MYOZ3: variants seen among roughly 807,000 people sequenced by gnomAD.
MYOZ3 encodes the protein myozenin 3.
A neutral mutation model predicts 26.5 loss-of-function variants in MYOZ3; 19 were observed. The ratio of observed to expected loss-of-function variants is 0.72; its 90% confidence interval spans 0.50 to 1.05. The LOEUF is 1.05. Among genes scored for constraint, MYOZ3 ranks in the 50% least tolerant of loss-of-function variants. The pLI is 0.00. For missense variants in MYOZ3, 322 were observed against 337.1 expected (o/e 0.96, Z 0.35); for synonymous variants, 135 against 138.8 (o/e 0.97, Z 0.19).
At chr5:150,673,687 G>A (rs1758960906) in intron 6 of MYOZ3, among the ~76,000 whole-genome samples, 1 of 152,170 alleles carries the variant, frequency 6.6e-6, no homozygotes, top group Admixed American at 6.5e-5. Context: ...ACAGGGGAGA[G>A]CTTGAAAGGG....
intron 1 of MYOZ3, among the ~76,000 whole-genome samples, chr5:150,662,075 G>A (rs1306361888): frequency 1.3e-5 from 2 of 152,172 alleles, no homozygotes; most frequent in Non-Finnish European, 2.9e-5. Flanking sequence ...GCCCCTTGTC[G>A]GTGTTGGGGA....
chr5:150,671,839 G>A lies in MYOZ3; in HGVS notation c.355G>A (p.Gly119Ser). Residue 119 changes from glycine (G) to serine (S), a missense_variant, in exon 5 of 7, where the codon GGT (glycine) becomes AGT (serine). Physicochemically the swap from Gly to Ser is moderately conservative, Grantham distance 56 (BLOSUM62 0). Transcript: ENST00000517768. ...GGCCTCACCCGGGGCCTCACTCGGG[G>A]GTCCCGAGGGCGCCCACCCTGCAGC... ...FPASPGASLG[G>S]PEGAHPAAAP... 1 of 1,608,638 alleles carries A rather than the reference G, an allele frequency of 6.2e-7. No individual in the cohort carries two copies. Among genetic ancestry groups the A allele is most frequent in the Non-Finnish European group, 8.5e-7 (1 of 1,178,764 alleles).
chr5:150,673,282 T>A (rs866131007), intron 6 of MYOZ3: 1 of 152,148 alleles, frequency 6.6e-6, no homozygotes, highest in Non-Finnish European at 1.5e-5. Context: ...CGAGAAGCCA[T>A]AGGTAAAGTT....
chr5:150,671,883 C>G lies in MYOZ3; in HGVS notation c.399C>G (p.Val133=). The G allele has an allele frequency of 1.3e-6, 2 of 1,569,320 alleles. No individual in the cohort carries two copies. The highest frequency in any genetic ancestry group is 2.3e-5 in the South Asian group (2 of 87,048). ...AHPAAAPAGC[V]PSPSALAPGY... The stretch of plus-strand genomic sequence containing the variant: ...CTGCAGCCGCCCCTGCTGGGTGCGT[C>G]CCCAGCCCCAGCGCCCTGGCGCCAG... Residue 133 remains valine, a synonymous_variant, in exon 5 of 7, where the codon GTC becomes GTG. Coordinates refer to ENST00000517768, the MANE Select transcript of MYOZ3 (RefSeq NM_001122853.3).
chr5:150,670,766 A>C, intron 3 of MYOZ3, 128 bp downstream of exon 3: 1 of 833,912 alleles, frequency 1.2e-6, no homozygotes, highest in Non-Finnish European at 1.8e-6. Flanking sequence ...CCTGCCTTTC[A>C]GTGTGATCCT....
At chr5:150,670,398 C>T (rs972496100) in intron 2 of MYOZ3, 86 bp from the exon 3 acceptor site, 56 of 1,388,348 alleles carry the variant, frequency 4.0e-5, no homozygotes, top group Admixed American at 5.1e-5. Context: ...GGCATTCTTA[C>T]ACACAGCATG....
chr5:150,668,661 A>C (rs1758845130), intron 2 of MYOZ3, among the ~76,000 whole-genome samples: 1 of 152,250 alleles, frequency 6.6e-6, no homozygotes, highest in African/African-American at 2.4e-5. Flanking sequence ...TGCTGCCCAC[A>C]CAGGGCTCTC....
rs1218666543 is a variant in MYOZ3 at position 150,677,057 on chromosome 5, G to A, written c.*182G>A. The A allele has an allele frequency of 3.3e-6, 2 of 598,452 alleles. No individual in the cohort carries two copies. Among genetic ancestry groups the A allele is most frequent in the Non-Finnish European group, 5.8e-6 (2 of 343,754 alleles). 37.1% of individuals were successfully genotyped at this position (598,452 alleles called of 1,614,324 possible). A position where few individuals can be genotyped will look rare whatever the true frequency, so the allele number is the denominator to read the frequency against. On this transcript the variant is annotated 3_prime_UTR_variant, in exon 7 of 7. Transcript: ENST00000517768. ...TGGGTGTGTTTCAAAATTACCTGGG[G>A]ATGTTGTTCCAAATCCAGACAACTG...
At chr5:150,671,557 C>T (rs1269941117) in intron 3 of MYOZ3, 40 bp from the exon 4 acceptor site, 1 of 1,612,734 alleles carries the variant, frequency 6.2e-7, no homozygotes, top group South Asian at 1.1e-5. Flanking sequence ...CCCTGCCCCG[C>T]TGAGCTTCTC....
At chr5:150,669,759 C>A (rs899348140) in intron 2 of MYOZ3, among the ~76,000 whole-genome samples, 8 of 149,730 alleles carry the variant, frequency 5.3e-5, no homozygotes, top group Non-Finnish European at 1.2e-4. Flanking sequence ...GATTCTCCTG[C>A]CTCAGCCTCC....
At chr5:150,661,722 G>T (rs961927485) in intron 1 of MYOZ3, among the ~76,000 whole-genome samples, 9 of 152,202 alleles carry the variant, frequency 5.9e-5, no homozygotes, top group Non-Finnish European at 1.0e-4. Flanking sequence ...TAAAATGAGA[G>T]ACCCTTCCCA....
intron 1 of MYOZ3, 115 bp from the exon 2 acceptor site, chr5:150,662,826 T>A (rs1758754865): frequency 2.3e-6 from 2 of 859,288 alleles, no homozygotes; most frequent in East Asian, 5.2e-5. Flanking sequence ...TTGCTTGTGA[T>A]TTGGGGCTGG....
At chr5:150,667,847 T>G (rs1758833219) in intron 2 of MYOZ3, among the ~76,000 whole-genome samples, 1 of 152,210 alleles carries the variant, frequency 6.6e-6, no homozygotes, top group African/African-American at 2.4e-5. Flanking sequence ...CCAAAAAGCA[T>G]GTCATTTCAC....
Position 150,677,048 on chromosome 5 carries a change from T to C in MYOZ3, c.*173T>C. 1.6e-6 allele frequency: 1 copy of C among 612,862 alleles called. No homozygotes were observed. Among genetic ancestry groups the C allele is most frequent in the East Asian group, 2.8e-5 (1 of 35,624 alleles). 38.0% of individuals were successfully genotyped at this position (612,862 alleles called of 1,614,324 possible). Reference sequence around the variant, plus strand: ...CCCAAAACATGGGTGTGTTTCAAAATTACCTGGGGATGTTGTTCCAAATCC... The same window carrying C: ...CCCAAAACATGGGTGTGTTTCAAAACTACCTGGGGATGTTGTTCCAAATCC... On this transcript the variant is annotated 3_prime_UTR_variant, in exon 7 of 7. Transcript: ENST00000517768.
At chr5:150,662,007 A>G (rs1758741727) in intron 1 of MYOZ3, among the ~76,000 whole-genome samples, 1 of 152,196 alleles carries the variant, frequency 6.6e-6, no homozygotes, top group African/African-American at 2.4e-5. Flanking sequence ...GTTACAGAGA[A>G]AGCCAGGGAC....
Position 150,662,934 on chromosome 5 carries a change from T to C in MYOZ3, c.-1-7T>C. 1 of 1,609,984 alleles carries C rather than the reference T, an allele frequency of 6.2e-7. No individual in the cohort carries two copies. Among genetic ancestry groups the C allele is most frequent in the East Asian group, 2.2e-5 (1 of 44,662 alleles). ...CTGGTCCATTTATGGGGGTCTCTCC[T>C]CCACAGGATGATCCCCAAGGAGCAG... On this transcript the variant is annotated splice_region_variant and splice_polypyrimidine_tract_variant and intron_variant, in intron 1 of 6. Transcript: ENST00000517768.
At chr5:150,673,488 C>G (rs752943049) in intron 6 of MYOZ3, among the ~76,000 whole-genome samples, 2 of 152,054 alleles carry the variant, frequency 1.3e-5, no homozygotes. Context: ...TTACAGGCGC[C>G]CACCACCGTG....
chr5:150,663,096 C>A, intron 2 of MYOZ3, 94 bp downstream of exon 2: 1 of 1,086,248 alleles, frequency 9.2e-7, no homozygotes, highest in South Asian at 1.6e-5. Flanking sequence ...CAGGCCTGGG[C>A]AGACAGGTGT....
chr5:150,672,106 C>A, intron 5 of MYOZ3, 198 bp downstream of exon 5: 2 of 1,070,332 alleles, frequency 1.9e-6, no homozygotes, highest in African/African-American at 1.6e-5. Flanking sequence ...CAGCCAAGGC[C>A]AAGACCAACC....
Sources: allele counts gnomAD v4.1 joint callset (sites outside exome capture counted in the v4.1 genomes callset), GRCh38; gene constraint gnomAD v4.1.1; transcripts MANE v1.5; gene names NCBI Gene and HGNC (gene_info 2026-07-23, HGNC 2026-07-21).